Variants in PGK1 observed in about 807,000 individuals in gnomAD.
PGK1 encodes the protein PRP 2.
In PGK1, 3 loss-of-function variants were observed where a neutral mutation model predicts 26.9. The ratio of observed to expected loss-of-function variants is 0.11; its 90% confidence interval spans 0.05 to 0.29. The LOEUF is 0.29. Ranked by LOEUF, PGK1 falls within the 10% of genes least tolerant of loss-of-function variation. The pLI, the probability that PGK1 is intolerant of heterozygous loss-of-function variation, is 1.00. For missense variants in PGK1, 270 were observed against 314.7 expected (o/e 0.86, Z 1.07); for synonymous variants, 125 against 115.3 (o/e 1.08, Z -0.54).
rs1365650789 is a variant in PGK1, at chrX:78,128,807, A to G, written c.*2977A>G. 1.8e-5 allele frequency: 2 copies of G among 111,644 alleles called. No homozygotes were observed. Among genetic ancestry groups the G allele is most frequent in the Admixed American group, 1.9e-4 (2 of 10,495 alleles). The allele number at this position is 111,644 out of a possible 1,213,427, so 9.2% of individuals were successfully genotyped here. ...GGTTTACACATGATCAAAAAGGAGT[A>G]TACAATGAAGACACCTTCCTCAGTC... is the stretch of plus-strand genomic sequence containing the variant. On this transcript the variant is annotated 3_prime_UTR_variant, in exon 11 of 11. Coordinates refer to ENST00000373316, the MANE Select transcript of PGK1 (RefSeq NM_000291.4).
rs1569550891 is a variant in PGK1, at chrX:78,123,318, G to A, written c.880G>A (p.Glu294Lys). Residue 294 changes from glutamate to lysine, a missense_variant, in exon 8 of 11, where the codon GAG (glutamate) becomes AAG (lysine). Physicochemically the swap from Glu to Lys is moderately conservative, Grantham distance 56 (BLOSUM62 1). This residue lies in a region of PGK1 where 103 missense variants were observed against 114.6 expected (regional missense o/e 0.90). Coordinates refer to ENST00000373316, the MANE Select transcript of PGK1 (RefSeq NM_000291.4). Reference protein sequence around the residue: ...VDFVTADKFDENAKTGQATVA... With the variant: ...VDFVTADKFDKNAKTGQATVA... ...CTTTGTCACTGCTGACAAGTTTGAT[G>A]AGAATGCCAAGACTGGCCAAGCCAC... 1.7e-6 allele frequency: 2 copies of A among 1,209,943 alleles called. No individual in the cohort carries two copies. Among genetic ancestry groups the A allele is most frequent in the East Asian group, 5.9e-5 (2 of 33,828 alleles).
chrX:78,117,978 A>C (rs1603397838), intron 5 of PGK1, 73 bp from the exon 6 acceptor site: 1 of 994,481 alleles, frequency 1.0e-6, no homozygotes. Context: ...TTTTAGTGAT[A>C]AGGAGCTGGC....
rs5913637 is a variant in PGK1, at chrX:78,110,332, T to A, written c.116+415T>A. On this transcript the variant is annotated intron_variant, in intron 2 of 10. Coordinates refer to ENST00000373316, the MANE Select transcript of PGK1 (RefSeq NM_000291.4). ...TACACCTGGTTAAATTAAAAAAAAA[T>A]TTTTTTTTGTAGAGATGGGGTCTCA... 3.9e-3 allele frequency among the ~76,000 whole-genome samples: 415 copies of A among 106,978 alleles called. 3 individuals are homozygous for A. The highest frequency in any genetic ancestry group is 0.013 in the African/African-American group (378 of 29,728). The allele number at this position is 106,978 out of a possible 115,157, so 92.9% of individuals were successfully genotyped here. A position where few individuals can be genotyped will look rare whatever the true frequency, so the allele number is the denominator to read the frequency against.
At chrX:78,122,562 T>A (rs2149135893) in intron 6 of PGK1, among the ~76,000 whole-genome samples, 1 of 109,885 alleles carries the variant, frequency 9.1e-6, no homozygotes, top group Non-Finnish European at 1.9e-5. Flanking sequence ...GTCCATCAGC[T>A]TCTAGGTAGA....
At position 78,125,351 on chromosome X, in the gene PGK1, G is replaced by A; in HGVS notation, c.1139G>A (p.Cys380Tyr). 8.3e-7 allele frequency: 1 copy of A among 1,205,587 alleles called. No homozygotes were observed. The highest frequency in any genetic ancestry group is 1.1e-6 in the Non-Finnish European group (1 of 890,330). Residue 380 changes from cysteine (C) to tyrosine (Y), a missense_variant, in exon 10 of 11, where the codon TGT becomes TAT. By Grantham distance (194) the Cys-to-Tyr change is radical. This residue lies in a region of PGK1 where 103 missense variants were observed against 114.6 expected (regional missense o/e 0.90). Transcript: ENST00000373316. ...IIGGGDTATCCAKWNTEDKVS... is the reference protein window; with the variant it reads ...IIGGGDTATCYAKWNTEDKVS... ...GGTGGTGGAGACACTGCCACTTGCT[G>A]TGCCAAATGGAACACGGAGGATAAA...
chrX:78,114,530 C>T (rs1156637850), intron 4 of PGK1, among the ~76,000 whole-genome samples: 2 of 110,388 alleles, frequency 1.8e-5, no homozygotes, highest in Admixed American at 9.7e-5. Context: ...TTAAATCTCT[C>T]TTTAAGATAG....
At chrX:78,111,189 A>G (rs934379718) in intron 2 of PGK1, among the ~76,000 whole-genome samples, 8 of 108,849 alleles carry the variant, frequency 7.3e-5, no homozygotes, top group Non-Finnish European at 1.5e-4. Context: ...GGCTCAAGCG[A>G]TCCTCCCATC....
At position 78,128,222 on chromosome X, in the gene PGK1, T is replaced by C. The variant is rs1303655704; in HGVS notation, c.*2392T>C. 8.8e-6 allele frequency: 1 copy of C among 113,223 alleles called. No homozygotes were observed. Among genetic ancestry groups the C allele is most frequent in the Non-Finnish European group, 1.9e-5 (1 of 53,431 alleles). The allele number at this position is 113,223 out of a possible 1,213,427, so 9.3% of individuals were successfully genotyped here. A position where few individuals can be genotyped will look rare whatever the true frequency, so the allele number is the denominator to read the frequency against. On this transcript the variant is annotated 3_prime_UTR_variant, in exon 11 of 11. Coordinates refer to ENST00000373316, the MANE Select transcript of PGK1 (RefSeq NM_000291.4). ...GAATTTTTAACCTAACCAAAGAAGATAGTAGATAACTTGTGTGCATATAAG... is the reference window on the plus strand; with the variant it reads ...GAATTTTTAACCTAACCAAAGAAGACAGTAGATAACTTGTGTGCATATAAG...
chrX:78,107,153 AAG>A (rs1557246286), intron 1 of PGK1, among the ~76,000 whole-genome samples: 1 of 111,711 alleles, frequency 9.0e-6, no homozygotes, highest in African/African-American at 3.3e-5. Flanking sequence ...TTTTGAAATA[AAG>A]ATTCATGGGA....
Position 78,129,242 on chromosome X carries a change from T to TATCTATCTATCTATCTA in PGK1, c.*3413_*3429dup, listed in dbSNP as rs1335194416. The TATCTATCTATCTATCTA allele has an allele frequency of 9.1e-6, 1 of 110,312 alleles. No homozygotes were observed. The highest frequency in any genetic ancestry group is 3.3e-5 in the African/African-American group (1 of 30,235). 9.1% of individuals were successfully genotyped at this position (110,312 alleles called of 1,213,427 possible). ...GTACCTATCTATCTATCTATCTATC[T>TATCTATCTATCTATCTA]ATCTATCTATCTATCTATCTGTATA... On this transcript the variant is annotated 3_prime_UTR_variant, in exon 11 of 11. Coordinates refer to ENST00000373316, the MANE Select transcript of PGK1 (RefSeq NM_000291.4).
intron 2 of PGK1, among the ~76,000 whole-genome samples, chrX:78,112,404 A>T (rs1208164295): frequency 1.8e-5 from 2 of 112,634 alleles, no homozygotes; most frequent in African/African-American, 6.4e-5. Context: ...TTAATTTCTT[A>T]TAAACTGGCA....
At chrX:78,112,579 A>G (rs1484704070) in intron 2 of PGK1, among the ~76,000 whole-genome samples, 1 of 112,366 alleles carries the variant, frequency 8.9e-6, no homozygotes, top group Non-Finnish European at 1.9e-5. Flanking sequence ...GGATCTATTA[A>G]TAGGTGCAGA....
At chrX:78,113,662 C>A in intron 2 of PGK1, 82 bp from the exon 3 acceptor site, 2 of 882,491 alleles carry the variant, frequency 2.3e-6, no homozygotes, top group Non-Finnish European at 3.3e-6. Context: ...GAGCTTTATG[C>A]TTTATGAGGT....
chrX:78,124,865 A>G lies in PGK1; in HGVS notation c.937-9A>G, dbSNP rs782272102. The G allele has an allele frequency of 6.7e-6, 8 of 1,200,651 alleles. No homozygotes were observed. Among genetic ancestry groups the G allele is most frequent in the East Asian group, 3.0e-5 (1 of 33,716 alleles). ...ATAGCTCATCTTCTCTTTCACCTCT[A>G]CCCCTCAGGGCTTGGACTGTGGTCC... On this transcript the variant is annotated splice_polypyrimidine_tract_variant and intron_variant, in intron 8 of 10. Coordinates refer to ENST00000373316, the MANE Select transcript of PGK1 (RefSeq NM_000291.4).
At position 78,104,269 on chromosome X, in the gene PGK1, C is replaced by G. The variant is rs988767849; in HGVS notation, c.-72C>G. The G allele has an allele frequency of 1.3e-6, 1 of 799,601 alleles. No individual in the cohort carries two copies. The highest frequency in any genetic ancestry group is 2.0e-5 in the African/African-American group (1 of 50,227). The allele number at this position is 799,601 out of a possible 1,213,427, so 65.9% of individuals were successfully genotyped here. ...CGGTGTTCCGCATTCTGCAAGCCTC[C>G]GGAGCGCACGTCGGCAGTCGGCTCC... On this transcript the variant is annotated 5_prime_UTR_variant, in exon 1 of 11. Transcript: ENST00000373316.
intron 1 of PGK1, among the ~76,000 whole-genome samples, chrX:78,107,345 C>T (rs1557246315): frequency 9.0e-6 from 1 of 111,167 alleles, no homozygotes; most frequent in African/African-American, 3.3e-5. Flanking sequence ...AGATACAGAA[C>T]TATTAGATCA....
intron 1 of PGK1, among the ~76,000 whole-genome samples, chrX:78,104,907 CCCCCCCG>C (rs1293011144): frequency 1.8e-5 from 2 of 111,299 alleles, no homozygotes; most frequent in Non-Finnish European, 3.8e-5. Flanking sequence ...CAGGAGTAGA[CCCCCCCG>C]CCCCCCGCCA....
intron 6 of PGK1, among the ~76,000 whole-genome samples, chrX:78,122,427 G>GTGTT (rs1433339581): frequency 7.5e-5 from 8 of 106,129 alleles, no homozygotes; most frequent in African/African-American, 2.8e-4. Flanking sequence ...GTGTGTGTGT[G>GTGTT]TGTGTGTGTG....
At chrX:78,114,413 AAT>A (rs2078316625) in intron 4 of PGK1, among the ~76,000 whole-genome samples, 1 of 111,878 alleles carries the variant, frequency 8.9e-6, no homozygotes, top group Admixed American at 9.5e-5. Context: ...ATGTTTGAAA[AAT>A]ATGTGAACAC....
Sources: allele counts gnomAD v4.1 joint callset (sites outside exome capture counted in the v4.1 genomes callset), GRCh38; gene constraint gnomAD v4.1.1; regional missense constraint gnomAD v4.1.1; transcripts MANE v1.5; gene names NCBI Gene and HGNC (gene_info 2026-07-23, HGNC 2026-07-21).